Variants in TMEM82 observed in about 807,000 individuals in gnomAD.
TMEM82 encodes transmembrane protein 82.
TMEM82 carries 30 observed loss-of-function variants against 29.2 expected under a neutral mutation model. The ratio of observed to expected loss-of-function variants is 1.03; its 90% CI spans 0.77 to 1.39. TMEM82 has a LOEUF of 1.39. TMEM82 is among the 40% of genes most tolerant of loss of function. The pLI, the probability that TMEM82 is intolerant of heterozygous loss-of-function variation, is 0.00. For synonymous variants in TMEM82, 221 were observed against 225.4 expected (o/e 0.98, Z 0.18); for missense variants, 442 against 447.7 (o/e 0.99, Z 0.12).
At chr1:15,742,754 GCC>G (rs1263469347) in intron 1 of TMEM82, 79 bp from the exon 2 acceptor site, 3 of 1,516,740 alleles carry the variant, frequency 2.0e-6, no homozygotes, top group African/African-American at 2.8e-5. Flanking sequence ...CCCCTTGGCC[GCC>G]CCCTCTGACC....
At position 15,745,537 on chromosome 1, in the gene TMEM82, G is replaced by GAGAGAGAGAGAA. The variant is rs1553163094; in HGVS notation, c.757+964_757+965insGAGAAAGAGAGA. On this transcript the variant is annotated intron_variant, in intron 4 of 5. Coordinates refer to ENST00000375782, the MANE Select transcript of TMEM82 (RefSeq NM_001013641.3). ...CTGGAAAGAAAGAAAGAGAGAAAGA[G>GAGAGAGAGAGAA]AGAGAGAAAGAGAGAAAGAGAGAAA... is the stretch of plus-strand genomic sequence containing the variant. 3.7e-3 allele frequency among the ~76,000 whole-genome samples: 532 copies of GAGAGAGAGAGAA among 145,416 alleles called. 1 individual carries two copies. The highest frequency in any genetic ancestry group is 6.2e-3 in the Non-Finnish European group (414 of 66,714).
At chr1:15,745,533 AAGAG>A (rs201507087) in intron 4 of TMEM82, among the ~76,000 whole-genome samples, 19 of 144,720 alleles carry the variant, frequency 1.3e-4, no homozygotes, top group African/African-American at 3.7e-4. Context: ...GAAAGAGAGA[AAGAG>A]AGAGAGAAAG....
intron 4 of TMEM82, 32 bp from the exon 5 acceptor site, chr1:15,746,835 G>C: frequency 6.5e-7 from 1 of 1,531,500 alleles, no homozygotes; most frequent in South Asian, 1.2e-5. Context: ...GGGGTGTGTG[G>C]TCGGACGGTG....
At position 15,744,240 on chromosome 1, in the gene TMEM82, G is replaced by A; in HGVS notation, c.417G>A (p.Leu139=). The A allele has an allele frequency of 1.3e-6, 2 of 1,586,298 alleles. No individual in the cohort carries two copies. The highest frequency in any genetic ancestry group is 1.7e-6 in the Non-Finnish European group (2 of 1,171,314). ...TGGGCTGCGGGCTGACCTGTGGCCT[G>A]AGCTTCCTGCAGGAGGGCGCCCCTC... The part of the protein sequence containing the change: ...YSLGCGLTCG[L]SFLQEGAPHR... Residue 139 remains leucine, a synonymous_variant, in exon 4 of 6, where the codon CTG becomes CTA. Transcript: ENST00000375782. The surrounding 1 kb of genome is among the most constrained non-coding windows in gnomAD (Gnocchi z 5.2).
rs1444177959 is a variant in TMEM82 at position 15,747,695 on chromosome 1, C to T, written c.*63C>T. On this transcript the variant is annotated 3_prime_UTR_variant, in exon 6 of 6. Coordinates refer to ENST00000375782, the MANE Select transcript of TMEM82 (RefSeq NM_001013641.3). ...ACTAGCCTGATCTCCGAGGCCTTGA[C>T]CCCAGGGCGATGCCTGGAGGCAGAG... The T allele has an allele frequency of 2.8e-6, 4 of 1,454,342 alleles. No individual in the cohort carries two copies. The highest frequency in any genetic ancestry group is 2.3e-5 in the South Asian group (2 of 85,188). 90.1% of individuals were successfully genotyped at this position (1,454,342 alleles called of 1,614,324 possible). A position where few individuals can be genotyped will look rare whatever the true frequency, so the allele number is the denominator to read the frequency against.
At position 15,744,131 on chromosome 1, in the gene TMEM82, T is replaced by C. The variant is rs375083186; in HGVS notation, c.337-29T>C. 4.2e-4 allele frequency: 616 copies of C among 1,472,388 alleles called. 2 individuals carry two copies. Among genetic ancestry groups the C allele is most frequent in the Admixed American group, 5.9e-4 (26 of 44,132 alleles). 91.2% of individuals were successfully genotyped at this position (1,472,388 alleles called of 1,614,324 possible). On this transcript the variant is annotated intron_variant, in intron 3 of 5. Transcript: ENST00000375782. The surrounding 1 kb of genome is among the most constrained non-coding windows in gnomAD (Gnocchi z 5.2). ...CACCTGTGGTGAGGCAGCCCCCACA[T>C]CTCGGCCCCTCTTCGGCACTCCCCG...
In TMEM82 at chr1:15,747,063, C is replaced by A; in HGVS notation, c.945+9C>A. 1 of 1,600,670 alleles carries A rather than the reference C, an allele frequency of 6.2e-7. No individual in the cohort carries two copies. On this transcript the variant is annotated intron_variant, in intron 5 of 5. Coordinates refer to ENST00000375782, the MANE Select transcript of TMEM82 (RefSeq NM_001013641.3). ...ACCTCTGCCAGATACAGGTGGGCAC[C>A]CCCATCCCATGTGTCCCCCAGACAA...
At position 15,746,874 on chromosome 1, in the gene TMEM82, GCGGCAGCACCC is replaced by G. The variant is rs759491573; in HGVS notation, c.770_780del (p.Gln257ProfsTer50). ...GGCACCCGCATCCCACAGAGGAGCA[GCGGCAGCACCC>G]CGGCCTGCAGAGCCAGGTGCAGACG... On this transcript the variant is annotated frameshift_variant, in exon 5 of 6. Transcript: ENST00000375782. LOFTEE classifies it high-confidence loss of function. 6.3e-7 allele frequency: 1 copy of G among 1,581,070 alleles called. No homozygotes were observed. The highest frequency in any genetic ancestry group is 1.8e-5 in the Admixed American group (1 of 56,464).
In TMEM82 at chr1:15,744,668, C is replaced by T. The variant is rs1194073438; in HGVS notation, c.757+88C>T. On this transcript the variant is annotated intron_variant, in intron 4 of 5. Coordinates refer to ENST00000375782, the MANE Select transcript of TMEM82 (RefSeq NM_001013641.3). This position sits in a 1 kb window ranked among gnomAD's most constrained non-coding sequence, Gnocchi z 5.2. ...GGGGAGGCCGAGAGCCATCAGCCCTCACTCTTGCCATCCCAGAGAGCCTGG... is the reference window on the plus strand; with the variant it reads ...GGGGAGGCCGAGAGCCATCAGCCCTTACTCTTGCCATCCCAGAGAGCCTGG... 5 of 1,424,304 alleles carry T rather than the reference C, an allele frequency of 3.5e-6. 1 individual carries two copies. The South Asian group carries it at 5.8e-5, about 16-fold the overall frequency. The allele number at this position is 1,424,304 out of a possible 1,614,324, so 88.2% of individuals were successfully genotyped here.
Position 15,747,496 on chromosome 1 carries a change from C to T in TMEM82, c.946-50C>T, listed in dbSNP as rs780031882. 1.7e-5 allele frequency: 27 copies of T among 1,545,218 alleles called. No individual in the cohort carries two copies. The South Asian group carries it at 2.3e-4, about 13-fold the overall frequency. ...CCCGGGTCACTGGAGGCCCAAGGCC[C>T]GCAGGGGGATGGGTGAATGGGTGGT... On this transcript the variant is annotated intron_variant, in intron 5 of 5. Transcript: ENST00000375782.
chr1:15,743,913 G>A (rs567908121), intron 3 of TMEM82, among the ~76,000 whole-genome samples: 16 of 152,076 alleles, frequency 1.1e-4, no homozygotes, highest in East Asian at 7.7e-4. Flanking sequence ...TGCAGTGAGC[G>A]GAGATCGAGC....
chr1:15,746,811 G>GGGAGGTCCAGTCCGGGGTGTGT, intron 4 of TMEM82, 56 bp from the exon 5 acceptor site: 1 of 1,472,010 alleles, frequency 6.8e-7, no homozygotes, highest in East Asian at 2.5e-5. Flanking sequence ...TCAGGGAGCA[G>GGGAGGTCCAGTCCGGGGTGTGT]GGAGGTCCAG....
chr1:15,747,348 A>AGCT (rs2148396767), intron 5 of TMEM82, among the ~76,000 whole-genome samples, 198 bp from the exon 6 acceptor site: 1 of 149,596 alleles, frequency 6.7e-6, no homozygotes, highest in South Asian at 2.1e-4. Flanking sequence ...GGGCAGAGGG[A>AGCT]GCTGGAATCA....
At position 15,742,594 on chromosome 1, in the gene TMEM82, C is replaced by T; in HGVS notation, c.35C>T (p.Pro12Leu). The change falls in exon 1 of 6, where the codon CCC becomes CTC. Residue 12 changes from proline to leucine, a missense_variant. Pro to Leu is a moderately conservative substitution (Grantham distance 98, BLOSUM62 -3). Coordinates refer to ENST00000375782, the MANE Select transcript of TMEM82 (RefSeq NM_001013641.3). Reference protein sequence around the residue: ...FSLPSLPSWLPGLPSLEWGSS... With the variant: ...FSLPSLPSWLLGLPSLEWGSS... The stretch of plus-strand genomic sequence containing the variant: ...CTTCCATCCCTCCCCTCCTGGCTCC[C>T]CGGCCTCCCCTCCCTCGAGTGGGGC... 1 of 1,603,852 alleles carries T rather than the reference C, an allele frequency of 6.2e-7. No homozygotes were observed. The highest frequency in any genetic ancestry group is 1.1e-5 in the South Asian group (1 of 89,888).
chr1:15,747,699 A>G lies in TMEM82; in HGVS notation c.*67A>G. 7.0e-7 allele frequency: 1 copy of G among 1,418,738 alleles called. No individual in the cohort carries two copies. The highest frequency in any genetic ancestry group is 9.9e-7 in the Non-Finnish European group (1 of 1,014,498). The allele number at this position is 1,418,738 out of a possible 1,614,324, so 87.9% of individuals were successfully genotyped here. The stretch of plus-strand genomic sequence containing the variant: ...GCCTGATCTCCGAGGCCTTGACCCC[A>G]GGGCGATGCCTGGAGGCAGAGTGGC... On this transcript the variant is annotated 3_prime_UTR_variant, in exon 6 of 6. Coordinates refer to ENST00000375782, the MANE Select transcript of TMEM82 (RefSeq NM_001013641.3).
chr1:15,742,647 G>T lies in TMEM82; in HGVS notation c.88G>T (p.Gly30Cys), dbSNP rs1285695294. ...TAGCCTCCTTGACTCCCTCCTGCAA[G>T]GTGAGCACCTCGCCCCATTCCTGCC... The part of the protein sequence containing the change: ...GSSLLDSLLQ[G>C]LIGALGVLVL... Residue 30 changes from glycine to cysteine, a missense_variant and splice_region_variant, in exon 1 of 6, where the codon GGC (glycine) becomes TGC (cysteine). Gly to Cys is a radical substitution (Grantham distance 159). Transcript: ENST00000375782. The T allele has an allele frequency of 1.9e-6, 3 of 1,608,972 alleles. No homozygotes were observed. The highest frequency in any genetic ancestry group is 2.2e-5 in the East Asian group (1 of 44,862).
At chr1:15,745,561 AAGAG>A (rs796862384) in intron 4 of TMEM82, among the ~76,000 whole-genome samples, 2 of 147,834 alleles carry the variant, frequency 1.4e-5, no homozygotes, top group Admixed American at 6.7e-5. Flanking sequence ...GAAAGAGAGA[AAGAG>A]AGAGAGAGAG....
At chr1:15,743,914 G>A (rs1446564665) in intron 3 of TMEM82, among the ~76,000 whole-genome samples, 2 of 152,130 alleles carry the variant, frequency 1.3e-5, no homozygotes, top group African/African-American at 4.8e-5. Context: ...GCAGTGAGCG[G>A]AGATCGAGCC....
chr1:15,747,185 A>C (rs1409201352), intron 5 of TMEM82, 131 bp downstream of exon 5: 1 of 977,300 alleles, frequency 1.0e-6, no homozygotes, highest in Admixed American at 2.7e-5. Context: ...CCAAATACTC[A>C]GGAGGCTGAG....
Sources: gnomAD v4.1 joint callset for allele counts (sites outside exome capture counted in the v4.1 genomes callset) on GRCh38, gnomAD v4.1.1 for gene constraint, Gnocchi (gnomAD v3.1) non-coding constraint, MANE v1.5 for transcripts, NCBI Gene and HGNC (gene_info 2026-07-23, HGNC 2026-07-21) for gene names.